UGT2B7: variants seen among roughly 807,000 people sequenced by gnomAD.
The protein encoded by UGT2B7 is UDP glucuronosyltransferase family 2 member B7.
Under a neutral mutation model 51.9 loss-of-function variants are expected in UGT2B7, and 51 were observed. The ratio of observed to expected loss-of-function variants is 0.98; its 90% CI spans 0.78 to 1.24. The LOEUF (loss-of-function observed/expected upper bound fraction) is 1.24, where lower values mean the gene tolerates loss of function less well. Among genes scored for constraint, UGT2B7 ranks in the 50% most tolerant of loss-of-function variants. The pLI, the probability that UGT2B7 is intolerant of heterozygous loss-of-function variation, is 0.00. For synonymous variants in UGT2B7, 225 were observed against 211.6 expected, an observed-to-expected ratio of 1.06 and a Z score of -0.55; for missense variants, 727 against 628.4, an observed-to-expected ratio of 1.16 and a Z score of -1.68.
chr4:69,071,769 G>A (rs1243699397), intron 1 of UGT2B7, among the ~76,000 whole-genome samples: 1 of 151,976 alleles, frequency 6.6e-6, no homozygotes, highest in Non-Finnish European at 1.5e-5. Context: ...CCACTAGAAA[G>A]AAACAAATAG....
At chr4:69,072,229 A>C (rs7687725) in intron 1 of UGT2B7, among the ~76,000 whole-genome samples, 65,189 of 151,962 alleles carry the variant, frequency 0.43, 15,542 homozygotes, top group African/African-American at 0.64. Context: ...ATTGATTCTA[A>C]AAGCTTTTAA....
At chr4:69,060,438 G>A (rs1380461659) in intron 1 of UGT2B7, among the ~76,000 whole-genome samples, 1 of 152,160 alleles carries the variant, frequency 6.6e-6, no homozygotes, top group African/African-American at 2.4e-5. Context: ...ACAAAGAGGG[G>A]AAAAAGGAGC....
At chr4:69,070,218 A>G (rs2109867975) in intron 1 of UGT2B7, among the ~76,000 whole-genome samples, 1 of 147,896 alleles carries the variant, frequency 6.8e-6, no homozygotes, top group South Asian at 2.1e-4. Context: ...CTCTTCTTTT[A>G]TATATATATT....
At chr4:69,090,027 T>C (rs992745998) in intron 2 of UGT2B7, among the ~76,000 whole-genome samples, 1 of 152,156 alleles carries the variant, frequency 6.6e-6, no homozygotes, top group East Asian at 1.9e-4. Flanking sequence ...TTTGATTGTA[T>C]AGGAACTCCA....
chr4:69,088,505 A>C (rs1168753122), intron 1 of UGT2B7, among the ~76,000 whole-genome samples: 1 of 152,154 alleles, frequency 6.6e-6, no homozygotes, highest in Non-Finnish European at 1.5e-5. Flanking sequence ...TCTGTGAGAT[A>C]CTTAAGCAAT....
chr4:69,079,870 T>G (rs1718797926), intron 1 of UGT2B7, among the ~76,000 whole-genome samples: 1 of 152,058 alleles, frequency 6.6e-6, no homozygotes, highest in East Asian at 1.9e-4. Context: ...GTTTTTTTTT[T>G]ACAGAAGTGA....
At chr4:69,053,942 C>T (rs955929619) in intron 1 of UGT2B7, among the ~76,000 whole-genome samples, 6 of 152,120 alleles carry the variant, frequency 3.9e-5, no homozygotes, top group Admixed American at 2.0e-4. Flanking sequence ...TATCATAAAG[C>T]GAGAGAAGCC....
At position 69,096,945 on chromosome 4, in the gene UGT2B7, AG is replaced by A; in HGVS notation, c.426del (p.Glu142AspfsTer60). On this transcript the variant is annotated frameshift_variant, in exon 1 of 6. Transcript: ENST00000305231. LOFTEE classifies it high-confidence loss of function. ...SNKKFMKKVQESRFDVIFADA... is the reference protein window; with the variant it reads ...SNKKFMKKVQXSRFDVIFADA... ...AAGAAATTTATGAAAAAAGTACAAG[AG>A]TCAAGATTTGACGTCATTTTTGCAG... 6.2e-7 allele frequency: 1 copy of A among 1,613,148 alleles called. No homozygotes were observed.
At chr4:69,103,082 T>C in intron 3 of UGT2B7, 144 bp downstream of exon 3, 1 of 1,433,360 alleles carries the variant, frequency 7.0e-7, no homozygotes, top group Non-Finnish European at 9.2e-7. Flanking sequence ...GGAGAAACTA[T>C]GAGAAGTTTG....
chr4:69,079,332 T>C (rs1203728435), intron 1 of UGT2B7, among the ~76,000 whole-genome samples: 2 of 152,164 alleles, frequency 1.3e-5, no homozygotes, highest in Non-Finnish European at 2.9e-5. Context: ...GAGAAGCTGA[T>C]CCAAAAAGAC....
chr4:69,098,538 A>C lies in UGT2B7; in HGVS notation c.722-2A>C. 1.3e-6 allele frequency: 2 copies of C among 1,587,906 alleles called. No homozygotes were observed. Reference sequence around the variant, plus strand: ...CACCTTTTTTTTTTCTATTCCTGTCAGGAAGACCCACTACATTATCTGAGA... The same window carrying C: ...CACCTTTTTTTTTTCTATTCCTGTCCGGAAGACCCACTACATTATCTGAGA... On this transcript the variant is annotated splice_acceptor_variant, in intron 1 of 5. Coordinates refer to ENST00000305231, the MANE Select transcript of UGT2B7 (RefSeq NM_001074.4). LOFTEE classifies it high-confidence loss of function.
chr4:69,089,438 C>T (rs572948746), intron 1 of UGT2B7: 6 of 152,246 alleles, frequency 3.9e-5, no homozygotes, highest in African/African-American at 1.4e-4. Flanking sequence ...CATGATATTG[C>T]ATCTTTATGA....
In UGT2B7 at chr4:69,065,669, G is replaced by A. The variant is rs183845910; in HGVS notation, c.-159+14067G>A. Among the ~76,000 whole-genome samples, 15 of 152,218 alleles carry A rather than the reference G, an allele frequency of 9.9e-5. No individual in the cohort carries two copies. The East Asian group carries it at 2.7e-3, about 27-fold the overall frequency. On this transcript the variant is annotated intron_variant, in intron 1 of 5. Transcript: ENST00000502942. ...TAGATTAGTGTATTTCTCATACATA[G>A]ATGATGGCATAGATTTGCTTTTTTA...
chr4:69,077,296 A>AT (rs140219027), intron 1 of UGT2B7, among the ~76,000 whole-genome samples: 5,083 of 150,932 alleles, frequency 0.034, 122 homozygotes, highest in Middle Eastern at 0.11. Flanking sequence ...AGTTTAAAGT[A>AT]TTTTTTTTTT....
At chr4:69,068,303 T>G (rs1718524597) in intron 1 of UGT2B7, among the ~76,000 whole-genome samples, 1 of 152,012 alleles carries the variant, frequency 6.6e-6, no homozygotes, top group Non-Finnish European at 1.5e-5. Context: ...CCTTCAAAAA[T>G]TATTGAAAAG....
At chr4:69,082,746 T>G (rs1718866659) in intron 1 of UGT2B7, among the ~76,000 whole-genome samples, 1 of 152,116 alleles carries the variant, frequency 6.6e-6, no homozygotes, top group Non-Finnish European at 1.5e-5. Context: ...TGCAGGAAAT[T>G]ATCTAGACAA....
rs1160336480 is a variant in UGT2B7, at chr4:69,075,783, T to C, written c.-158-13689T>C. On this transcript the variant is annotated intron_variant, in intron 1 of 5. Coordinates refer to the UGT2B7 transcript ENST00000502942. ...TAACTACAAGGATATTTCTTTATTG[T>C]ATTATGTTTATTATACTTTAAGTTC... Among the ~76,000 whole-genome samples, 63 of 152,160 alleles carry C rather than the reference T, an allele frequency of 4.1e-4. 1 individual carries two copies. The highest frequency in any genetic ancestry group is 4.1e-3 in the Admixed American group (63 of 15,252).
chr4:69,079,106 A>T (rs2109872634), intron 1 of UGT2B7, among the ~76,000 whole-genome samples: 1 of 152,212 alleles, frequency 6.6e-6, no homozygotes, highest in East Asian at 1.9e-4. Context: ...TCACACAAAA[A>T]GGAGGCCACT....
intron 2 of UGT2B7, among the ~76,000 whole-genome samples, chr4:69,090,536 CAACT>C (rs1719063709): frequency 6.6e-6 from 1 of 151,804 alleles, no homozygotes; most frequent in Non-Finnish European, 1.5e-5. Context: ...AAAGTAAAGA[CAACT>C]AACTATCCAA....
Sources: allele counts gnomAD v4.1 joint callset (sites outside exome capture counted in the v4.1 genomes callset), GRCh38; gene constraint gnomAD v4.1.1; transcripts MANE v1.5; gene names NCBI Gene and HGNC (gene_info 2026-07-23, HGNC 2026-07-21).